POLK: variants seen among roughly 807,000 people sequenced by gnomAD.
The protein encoded by POLK is DNA polymerase kappa, also known as polymerase (DNA directed) kappa.
Under a neutral mutation model 94.0 loss-of-function variants are expected in POLK, and 76 were observed. The observed-to-expected ratio is 0.81, with a 90% CI of 0.67 to 0.98. POLK has a LOEUF of 0.98. Among genes scored for constraint, POLK ranks in the 50% least tolerant of loss-of-function variants. POLK has a pLI of 0.00. For missense variants in POLK, 954 were observed against 1,010.1 expected (o/e 0.94, Z 0.75); for synonymous variants, 349 against 325.4 (o/e 1.07, Z -0.78).
At chr5:75,574,441 G>A (rs375203568) in intron 5 of POLK, among the ~76,000 whole-genome samples, 1 of 152,128 alleles carries the variant, frequency 6.6e-6, no homozygotes. Flanking sequence ...ACTGTCATAT[G>A]TGAAAACCGC....
chr5:75,569,664 A>G (rs929856275), intron 4 of POLK, among the ~76,000 whole-genome samples, 172 bp downstream of exon 4: 5 of 152,172 alleles, frequency 3.3e-5, no homozygotes, highest in African/African-American at 1.2e-4. Flanking sequence ...AAGGCAGGGG[A>G]CCCCAACCCC....
At chr5:75,510,928 G>A (rs1460637094), upstream of POLK, among the ~76,000 whole-genome samples, 2 of 151,988 alleles carry the variant, frequency 1.3e-5, no homozygotes, top group Admixed American at 6.6e-5. Flanking sequence ...TGCCCCCGAC[G>A]AGCCCCCGGG....
chr5:75,542,247 A>C (rs1398709414), intron 1 of POLK, among the ~76,000 whole-genome samples: 2 of 152,140 alleles, frequency 1.3e-5, no homozygotes, highest in Non-Finnish European at 2.9e-5. Context: ...AATAGGAAAC[A>C]AGCTCCACCT....
At chr5:75,551,063 C>A (rs1034907923) in intron 2 of POLK, among the ~76,000 whole-genome samples, 2 of 151,772 alleles carry the variant, frequency 1.3e-5, no homozygotes, top group African/African-American at 4.8e-5. Flanking sequence ...CTCTTAAAAA[C>A]AAAACAAAAC....
chr5:75,529,337 A>G (rs1769030258), intron 1 of POLK, among the ~76,000 whole-genome samples: 1 of 152,078 alleles, frequency 6.6e-6, no homozygotes, highest in African/African-American at 2.4e-5. Context: ...GAACTCACAT[A>G]TTACCACAAG....
At chr5:75,534,047 C>G (rs1429668613) in intron 1 of POLK, among the ~76,000 whole-genome samples, 1 of 152,124 alleles carries the variant, frequency 6.6e-6, no homozygotes, top group East Asian at 1.9e-4. Context: ...AGATGGATCA[C>G]TTGAGGTCAG....
At chr5:75,511,908 G>T (rs1450055814) in exon 1 of POLK, 3 of 1,327,550 alleles carry the variant, frequency 2.3e-6, no homozygotes, top group Non-Finnish European at 3.1e-6. Context: ...CGATCCTGAG[G>T]TAACGGGTGA....
downstream of POLK, among the ~76,000 whole-genome samples, chr5:75,603,879 T>A (rs1294845157): frequency 6.6e-6 from 1 of 152,108 alleles, no homozygotes; most frequent in Non-Finnish European, 1.5e-5. Flanking sequence ...AGTCACTATT[T>A]TTTGCTCCTG....
rs924808774 is a variant in POLK at position 75,573,939 on chromosome 5, A to G, written c.540+70A>G. On this transcript the variant is annotated intron_variant, in intron 5 of 14. Transcript: ENST00000241436. ...TGTCACCTACAGAATCTCAAGTCCA[A>G]GTGCCTTAGCACGTAGGATTTGGTC... 6.6e-6 allele frequency: 10 copies of G among 1,508,732 alleles called. No individual in the cohort carries two copies. The Admixed American group carries it at 1.0e-4, about 15-fold the overall frequency. The allele number at this position is 1,508,732 out of a possible 1,614,324, so 93.5% of individuals were successfully genotyped here.
chr5:75,585,407 G>A (rs1317421676), intron 9 of POLK, among the ~76,000 whole-genome samples: 1 of 152,222 alleles, frequency 6.6e-6, no homozygotes, highest in Non-Finnish European at 1.5e-5. Context: ...GCAGCGAATA[G>A]GACAAATTCC....
intron 1 of POLK, among the ~76,000 whole-genome samples, chr5:75,527,107 A>G (rs981124199): frequency 6.6e-6 from 1 of 152,174 alleles, no homozygotes; most frequent in Non-Finnish European, 1.5e-5. Flanking sequence ...TTGGCTTTTT[A>G]TATATAAGTC....
chr5:75,586,846 A>G (rs1772496917), intron 9 of POLK, among the ~76,000 whole-genome samples, 180 bp from the exon 10 acceptor site: 2 of 152,130 alleles, frequency 1.3e-5, no homozygotes, highest in Non-Finnish European at 2.9e-5. Flanking sequence ...TCATATTAGC[A>G]TCTTACCTAC....
chr5:75,525,660 CAT>C (rs1281852975), intron 1 of POLK, among the ~76,000 whole-genome samples: 1 of 152,116 alleles, frequency 6.6e-6, no homozygotes, highest in Non-Finnish European at 1.5e-5. Context: ...AATAGGAAAA[CAT>C]ACATAGAGGA....
exon 13 of POLK, chr5:75,596,626 G>C: frequency 6.2e-7 from 1 of 1,614,058 alleles, no homozygotes; most frequent in East Asian, 2.2e-5. Context: ...ACATGTAGAT[G>C]AATGTCTTGA....
chr5:75,570,633 T>C (rs1272817949), intron 4 of POLK, among the ~76,000 whole-genome samples: 2 of 152,226 alleles, frequency 1.3e-5, no homozygotes, highest in Non-Finnish European at 2.9e-5. Flanking sequence ...ATTACTGAGT[T>C]GCTCTTCCTT....
intron 1 of POLK, among the ~76,000 whole-genome samples, chr5:75,516,406 G>A (rs770183128): frequency 7.2e-5 from 11 of 151,876 alleles, no homozygotes; most frequent in Non-Finnish European, 1.5e-4. Flanking sequence ...AACATAGGGA[G>A]ACCCTACTTT....
At chr5:75,546,814 T>G (rs1469065332) in intron 1 of POLK, among the ~76,000 whole-genome samples, 196 bp from the exon 2 acceptor site, 1 of 152,036 alleles carries the variant, frequency 6.6e-6, no homozygotes, top group Non-Finnish European at 1.5e-5. Context: ...TACAGGCGCA[T>G]GCCGTCATGC....
At chr5:75,524,800 G>A (rs1260516179) in intron 1 of POLK, among the ~76,000 whole-genome samples, 2 of 152,114 alleles carry the variant, frequency 1.3e-5, no homozygotes, top group Non-Finnish European at 2.9e-5. Flanking sequence ...CCATTATTCT[G>A]TCCAAAAGAA....
chr5:75,542,231 A>G (rs1769775814), intron 1 of POLK, among the ~76,000 whole-genome samples: 1 of 152,096 alleles, frequency 6.6e-6, no homozygotes, highest in African/African-American at 2.4e-5. Context: ...TTTATAGTAT[A>G]TTAGAAATAG....
Sources: gnomAD v4.1 joint callset for allele counts (sites outside exome capture counted in the v4.1 genomes callset) on GRCh38, gnomAD v4.1.1 for gene constraint, MANE v1.5 for transcripts, NCBI Gene and HGNC (gene_info 2026-07-23, HGNC 2026-07-21) for gene names.